EPHA3: variants seen among roughly 807,000 people sequenced by gnomAD.
The protein encoded by EPHA3 is EPH receptor A3.
A neutral mutation model predicts 107.1 loss-of-function variants in EPHA3; 42 were observed. That is an observed-to-expected ratio of 0.39 (90% CI 0.31 to 0.51). The LOEUF (loss-of-function observed/expected upper bound fraction) is 0.51, where lower values mean the gene tolerates loss of function less well. Ranked by LOEUF, EPHA3 falls within the 20% of genes least tolerant of loss-of-function variation. The pLI is 0.78. For missense variants in EPHA3, 1,183 were observed against 1,211.2 expected, an observed-to-expected ratio of 0.98 and a Z score of 0.35; for synonymous variants, 461 against 424.8, an observed-to-expected ratio of 1.09 and a Z score of -1.05.
At chr3:89,341,705 A>G in intron 4 of EPHA3, 50 bp from the exon 5 acceptor site, 4 of 1,375,478 alleles carry the variant, frequency 2.9e-6, no homozygotes, top group Non-Finnish European at 4.0e-6. Flanking sequence ...TTTCCCTTGT[A>G]GTAGAAAACA....
intron 5 of EPHA3, among the ~76,000 whole-genome samples, chr3:89,386,539 T>C (rs559251045): frequency 1.3e-5 from 2 of 152,356 alleles, no homozygotes; most frequent in South Asian, 4.1e-4. Flanking sequence ...TGCCTGGATG[T>C]CCAGTCAGAA....
intron 2 of EPHA3, among the ~76,000 whole-genome samples, chr3:89,151,312 A>G (rs1252726332): frequency 2.6e-5 from 4 of 152,226 alleles, no homozygotes; most frequent in Non-Finnish European, 5.9e-5. Context: ...ATACCATTAT[A>G]CTGGCATTCT....
intron 13 of EPHA3, among the ~76,000 whole-genome samples, chr3:89,447,973 T>G (rs1709910800): frequency 6.6e-6 from 1 of 152,170 alleles, no homozygotes; most frequent in African/African-American, 2.4e-5. Flanking sequence ...GCTTAAGATT[T>G]TGAGGATGTG....
intron 10 of EPHA3, among the ~76,000 whole-genome samples, chr3:89,417,489 A>ACAAAGTAAT (rs1709271950): frequency 3.3e-5 from 5 of 151,510 alleles, no homozygotes; most frequent in Non-Finnish European, 7.4e-5. Flanking sequence ...AACAAAGTAA[A>ACAAAGTAAT]TGGGAGCGCT....
chr3:89,446,827 G>A (rs1314788240), intron 13 of EPHA3, among the ~76,000 whole-genome samples: 15 of 151,724 alleles, frequency 9.9e-5, no homozygotes, highest in Admixed American at 9.2e-4. Flanking sequence ...ATACTTATAC[G>A]CTTTCAGTAA....
intron 3 of EPHA3, among the ~76,000 whole-genome samples, chr3:89,283,126 G>C (rs1477730486): frequency 1.3e-5 from 2 of 152,084 alleles, no homozygotes; most frequent in Non-Finnish European, 1.5e-5. Context: ...TGCAGTAACA[G>C]GGCATGAACA....
chr3:89,143,590 C>G (rs1032427503), intron 2 of EPHA3, among the ~76,000 whole-genome samples: 1 of 151,438 alleles, frequency 6.6e-6, no homozygotes, highest in South Asian at 2.1e-4. Flanking sequence ...TAAAAAAATT[C>G]TTTTTAAAAT....
chr3:89,286,432 T>C (rs1307362076), intron 3 of EPHA3, among the ~76,000 whole-genome samples: 1 of 151,996 alleles, frequency 6.6e-6, no homozygotes, highest in Non-Finnish European at 1.5e-5. Context: ...AAACGGTACA[T>C]TGGCAAAGGC....
intron 3 of EPHA3, among the ~76,000 whole-genome samples, chr3:89,317,970 T>C (rs1274915535): frequency 6.6e-6 from 1 of 151,818 alleles, no homozygotes; most frequent in Non-Finnish European, 1.5e-5. Flanking sequence ...TTGTCTGGAA[T>C]ATATATAATA....
intron 3 of EPHA3, among the ~76,000 whole-genome samples, chr3:89,275,570 G>A (rs1351273529): frequency 5.3e-5 from 8 of 152,052 alleles, no homozygotes; most frequent in Non-Finnish European, 1.0e-4. Flanking sequence ...AAGTGAAAAT[G>A]CCTTTCAAAA....
At chr3:89,167,336 TATCAC>T (rs1340789640) in intron 2 of EPHA3, among the ~76,000 whole-genome samples, 1 of 152,126 alleles carries the variant, frequency 6.6e-6, no homozygotes, top group African/African-American at 2.4e-5. Context: ...TAATTTAAAA[TATCAC>T]ATTTATATTC....
intron 3 of EPHA3, among the ~76,000 whole-genome samples, chr3:89,321,909 A>G (rs938820973): frequency 7.2e-5 from 11 of 152,130 alleles, no homozygotes; most frequent in African/African-American, 2.7e-4. Context: ...ATGTATAAAG[A>G]TGTTGTCTTC....
At chr3:89,301,992 T>C (rs1283616839) in intron 3 of EPHA3, among the ~76,000 whole-genome samples, 1 of 152,138 alleles carries the variant, frequency 6.6e-6, no homozygotes, top group Non-Finnish European at 1.5e-5. Context: ...TGTGGCTACC[T>C]CACTGCCTTA....
chr3:89,126,652 A>ACATATAAGTAAATATGT (rs1704103169), intron 1 of EPHA3, among the ~76,000 whole-genome samples: 1 of 151,672 alleles, frequency 6.6e-6, no homozygotes, highest in African/African-American at 2.4e-5. Context: ...ATTGGTAGTT[A>ACATATAAGTAAATATGT]AGCTTTTTGT....
At chr3:89,404,878 T>G (rs1412220405) in intron 7 of EPHA3, among the ~76,000 whole-genome samples, 1 of 152,172 alleles carries the variant, frequency 6.6e-6, no homozygotes, top group Admixed American at 6.5e-5. Context: ...TTTCTATAAA[T>G]TATTACAGTA....
intron 3 of EPHA3, among the ~76,000 whole-genome samples, chr3:89,240,192 A>T (rs1386417972): frequency 2.6e-5 from 4 of 152,228 alleles, no homozygotes; most frequent in Non-Finnish European, 4.4e-5. Context: ...TTTATAAAAT[A>T]ATAATATAGT....
At chr3:89,411,441 T>A (rs932119152) in intron 9 of EPHA3, among the ~76,000 whole-genome samples, 3 of 151,872 alleles carry the variant, frequency 2.0e-5, no homozygotes, top group African/African-American at 4.8e-5. Context: ...TAGCTTTTCT[T>A]CTGCATTCCC....
intron 2 of EPHA3, among the ~76,000 whole-genome samples, chr3:89,162,254 C>T (rs1210474284): frequency 6.6e-6 from 1 of 151,988 alleles, no homozygotes; most frequent in African/African-American, 2.4e-5. Context: ...GGAAATCATG[C>T]ATTTTAGAAA....
chr3:89,169,175 G>C (rs1202256974), intron 2 of EPHA3, among the ~76,000 whole-genome samples: 1 of 151,974 alleles, frequency 6.6e-6, no homozygotes, highest in Non-Finnish European at 1.5e-5. Flanking sequence ...TAATTTAAAA[G>C]TATAAAAAGA....
Sources: gnomAD v4.1 joint callset for allele counts (sites outside exome capture counted in the v4.1 genomes callset) on GRCh38, gnomAD v4.1.1 for gene constraint, MANE v1.5 for transcripts, NCBI Gene and HGNC (gene_info 2026-07-23, HGNC 2026-07-21) for gene names.